Variants in ZNF428 observed in about 807,000 individuals in gnomAD.
The protein encoded by ZNF428 is zinc finger protein 428.
ZNF428 carries 5 observed loss-of-function variants against 15.6 expected under a neutral mutation model. The ratio of observed to expected loss-of-function variants is 0.32; its 90% confidence interval spans 0.17 to 0.67. The LOEUF is 0.67. ZNF428 is among the 30% of genes least tolerant of loss of function. ZNF428 has a pLI of 0.73. For synonymous variants in ZNF428, 97 were observed against 102.2 expected, an observed-to-expected ratio of 0.95 and a Z score of 0.31; for missense variants, 237 against 256.0, an observed-to-expected ratio of 0.93 and a Z score of 0.51.
At chr19:43,611,148 A>G (rs1203617124) in intron 2 of ZNF428, among the ~76,000 whole-genome samples, 12 of 152,118 alleles carry the variant, frequency 7.9e-5, no homozygotes, top group African/African-American at 2.7e-4. Flanking sequence ...AGCTGACTGC[A>G]GTCAGCTGCC....
rs759380832 is a variant in ZNF428 at position 43,614,317 on chromosome 19, GGACAGGA to G, written c.-20_-14del. 1 of 1,594,366 alleles carries G rather than the reference GGACAGGA, an allele frequency of 6.3e-7. No homozygotes were observed. The highest frequency in any genetic ancestry group is 8.5e-7 in the Non-Finnish European group (1 of 1,170,254). ...GGGTCTCTGTCATGACCGGGGGAGGGGACAGGAGACAGGAGCAGAGCAGCAGCTGAGC... is the reference window on the plus strand; with the variant it reads ...GGGTCTCTGTCATGACCGGGGGAGGGGACAGGAGCAGAGCAGCAGCTGAGC... On this transcript the variant is annotated 5_prime_UTR_variant, in exon 2 of 3. Coordinates refer to ENST00000300811, the MANE Select transcript of ZNF428 (RefSeq NM_182498.4).
At chr19:43,613,426 A>C (rs1238992131) in intron 2 of ZNF428, 1 of 1,528,616 alleles carries the variant, frequency 6.5e-7, no homozygotes, top group South Asian at 1.2e-5. Context: ...ACAAGGCGAG[A>C]GATTGCAGCC....
chr19:43,617,025 A>C (rs1973378159), intron 1 of ZNF428, among the ~76,000 whole-genome samples: 1 of 151,726 alleles, frequency 6.6e-6, no homozygotes, highest in South Asian at 2.1e-4. Flanking sequence ...CAAACTCCTG[A>C]CCTCAGGTGA....
intron 2 of ZNF428, chr19:43,614,006 C>G: frequency 6.4e-7 from 1 of 1,551,724 alleles, no homozygotes; most frequent in Non-Finnish European, 8.7e-7. Flanking sequence ...AGAAGGAAAT[C>G]ATAGCCAATC....
chr19:43,613,122 G>A (rs868213955), intron 2 of ZNF428: 2 of 1,551,698 alleles, frequency 1.3e-6, no homozygotes, highest in Non-Finnish European at 1.7e-6. Flanking sequence ...CAGTCTAGAA[G>A]CCACAGCAAG....
At chr19:43,616,524 C>A (rs1380842259) in intron 1 of ZNF428, among the ~76,000 whole-genome samples, 2 of 152,172 alleles carry the variant, frequency 1.3e-5, no homozygotes, top group African/African-American at 4.8e-5. Context: ...AAGTGAGTAG[C>A]CCAAGGTCAC....
intron 2 of ZNF428, among the ~76,000 whole-genome samples, chr19:43,611,800 C>G (rs1466922074): frequency 1.3e-5 from 2 of 152,240 alleles, no homozygotes; most frequent in Non-Finnish European, 2.9e-5. Flanking sequence ...CCCCCCTCCC[C>G]ACCCACTGAC....
intron 2 of ZNF428, 31 bp from the exon 3 acceptor site, chr19:43,608,138 G>T (rs372056851): frequency 6.3e-7 from 1 of 1,587,026 alleles, no homozygotes; most frequent in African/African-American, 1.3e-5. Flanking sequence ...GAAGACAGTG[G>T]TATCAGAGGA....
intron 1 of ZNF428, among the ~76,000 whole-genome samples, chr19:43,617,654 T>C (rs762806788): frequency 7.2e-5 from 11 of 152,250 alleles, no homozygotes; most frequent in Non-Finnish European, 1.3e-4. Flanking sequence ...CAAGATAAGA[T>C]TGCCAGATTT....
At position 43,612,154 on chromosome 19, in the gene ZNF428, T is replaced by C. The variant is rs1265272477; in HGVS notation, c.76+2075A>G. ...CACCTAAGAGATCTTCAAAGCCCAG[T>C]ATGTCTCTGGCACCCAGTGGATCCT... On this transcript the variant is annotated intron_variant, in intron 2 of 2. Transcript: ENST00000300811. The surrounding 1 kb of genome is among the most constrained non-coding windows in gnomAD (Gnocchi z 4.2). 3.2e-6 allele frequency: 5 copies of C among 1,551,586 alleles called. No individual in the cohort carries two copies. In the African/African-American group the frequency reaches 5.5e-5, roughly 17 times the overall value.
intron 1 of ZNF428, among the ~76,000 whole-genome samples, chr19:43,615,809 G>C (rs1371549491): frequency 6.6e-6 from 1 of 152,114 alleles, no homozygotes; most frequent in Non-Finnish European, 1.5e-5. Context: ...GATGTGTAGG[G>C]CAAGGTATAA....
At chr19:43,619,141 C>T (rs1973408356) in intron 1 of ZNF428, among the ~76,000 whole-genome samples, 1 of 152,238 alleles carries the variant, frequency 6.6e-6, no homozygotes, top group Non-Finnish European at 1.5e-5. Flanking sequence ...CACTACGGGA[C>T]AATAACGGCC....
chr19:43,611,896 C>T, intron 2 of ZNF428: 1 of 588,690 alleles, frequency 1.7e-6, no homozygotes, highest in Non-Finnish European at 3.0e-6. Context: ...CAGAAGACAT[C>T]TGCTGAATGG....
Position 43,607,400 on chromosome 19 carries a change from C to CAA in ZNF428, c.*216_*217insTT, listed in dbSNP as rs1973249464. On this transcript the variant is annotated 3_prime_UTR_variant, in exon 3 of 3. Transcript: ENST00000300811. This position sits in a 1 kb window ranked among gnomAD's most constrained non-coding sequence, Gnocchi z 5.1. ...ACACACACACACACACACACAAACA[C>CAA]ACACACGGGCGGGAATACACACACA... 1 of 550,478 alleles carries CAA rather than the reference C, an allele frequency of 1.8e-6. No individual in the cohort carries two copies. Among genetic ancestry groups the CAA allele is most frequent in the African/African-American group, 2.1e-5 (1 of 47,704 alleles). The allele number at this position is 550,478 out of a possible 1,614,324, so 34.1% of individuals were successfully genotyped here. A position where few individuals can be genotyped will look rare whatever the true frequency, so the allele number is the denominator to read the frequency against.
Position 43,612,866 on chromosome 19 carries a change from A to T in ZNF428, c.76+1363T>A, listed in dbSNP as rs1246687087. 6 of 1,551,706 alleles carry T rather than the reference A, an allele frequency of 3.9e-6. No homozygotes were observed. The South Asian group carries it at 7.1e-5, about 18-fold the overall frequency. Reference sequence around the variant, plus strand: ...GAAGGTGAAGAGCTACGGTCAGATGATCATCCCCAGTAGGGAAAAGAGTTA... The same window carrying T: ...GAAGGTGAAGAGCTACGGTCAGATGTTCATCCCCAGTAGGGAAAAGAGTTA... On this transcript the variant is annotated intron_variant, in intron 2 of 2. Transcript: ENST00000300811. The surrounding 1 kb of genome is among the most constrained non-coding windows in gnomAD (Gnocchi z 4.2).
intron 1 of ZNF428, among the ~76,000 whole-genome samples, chr19:43,615,566 T>C (rs1028880537): frequency 6.7e-6 from 1 of 148,912 alleles, no homozygotes; most frequent in Admixed American, 6.7e-5. Flanking sequence ...AGTTAGCCGG[T>C]GTGGTGGCAT....
rs1348962099 is a variant in ZNF428, at chr19:43,614,465, G to C, written c.-130-31C>G. 4.9e-6 allele frequency: 7 copies of C among 1,430,262 alleles called. No homozygotes were observed. The African/African-American group carries it at 8.6e-5, about 18-fold the overall frequency. The allele number at this position is 1,430,262 out of a possible 1,614,324, so 88.6% of individuals were successfully genotyped here. ...TAGGGGGAAAGGAAAGACCTGTGAT[G>C]ATTCAATAAATTTTTACATAGCACC... On this transcript the variant is annotated intron_variant, in intron 1 of 2. Transcript: ENST00000300811.
At chr19:43,619,384 C>T (rs1053116010) in intron 1 of ZNF428, among the ~76,000 whole-genome samples, 174 bp downstream of exon 1, 3 of 152,242 alleles carry the variant, frequency 2.0e-5, no homozygotes, top group African/African-American at 7.2e-5. Context: ...GCTCGGTTCT[C>T]CCAGGATGCC....
chr19:43,614,140 C>G (rs1417147698), intron 2 of ZNF428, 89 bp downstream of exon 2: 1 of 1,612,394 alleles, frequency 6.2e-7, no homozygotes, highest in Admixed American at 1.7e-5. Context: ...AGACAAGCAG[C>G]CACTCCCCAT....
Sources: allele counts gnomAD v4.1 joint callset (sites outside exome capture counted in the v4.1 genomes callset), GRCh38; gene constraint gnomAD v4.1.1; non-coding constraint Gnocchi (gnomAD v3.1); transcripts MANE v1.5; gene names NCBI Gene and HGNC (gene_info 2026-07-23, HGNC 2026-07-21).